The following CCDC18 variants were observed in gnomAD, a reference collection of about 807,000 sequenced individuals.
The protein encoded by CCDC18 is coiled-coil domain-containing protein 18.
Under a neutral mutation model 196.0 loss-of-function variants are expected in CCDC18, and 157 were observed. That is an observed-to-expected ratio of 0.80 (90% CI 0.70 to 0.91). CCDC18 has a LOEUF of 0.91. CCDC18 is among the 40% of genes least tolerant of loss of function. CCDC18 has a pLI of 0.00. For missense variants in CCDC18, 1,465 were observed against 1,611.6 expected (o/e 0.91, Z 1.56); for synonymous variants, 482 against 529.2 (o/e 0.91, Z 1.22).
chr1:93,260,182 G>A (rs1310529623), intron 26 of CCDC18, among the ~76,000 whole-genome samples: 3 of 152,082 alleles, frequency 2.0e-5, no homozygotes, highest in Non-Finnish European at 4.4e-5. Flanking sequence ...TCAGGAGTTC[G>A]AGACCAGCCT....
At chr1:93,235,264 A>G (rs769566203) in intron 18 of CCDC18, among the ~76,000 whole-genome samples, 20 of 152,130 alleles carry the variant, frequency 1.3e-4, no homozygotes, top group Non-Finnish European at 2.5e-4. Context: ...AGTGACTGAA[A>G]TTACCTAGGG....
intron 28 of CCDC18, among the ~76,000 whole-genome samples, chr1:93,274,398 T>A (rs1220623086): frequency 6.6e-6 from 1 of 152,050 alleles, no homozygotes; most frequent in Non-Finnish European, 1.5e-5. Flanking sequence ...CGAGACTCCA[T>A]CTCTAAATAA....
chr1:93,241,612 C>T (rs1049795325), intron 21 of CCDC18, among the ~76,000 whole-genome samples: 4 of 148,772 alleles, frequency 2.7e-5, no homozygotes, highest in Non-Finnish European at 5.9e-5. Flanking sequence ...GTCTTAGCTA[C>T]TCAGGAGGCT....
intron 7 of CCDC18, among the ~76,000 whole-genome samples, chr1:93,204,872 GAAGGGATTTTT>G (rs1217418591): frequency 6.6e-6 from 1 of 152,080 alleles, no homozygotes; most frequent in East Asian, 1.9e-4. Flanking sequence ...AAATATCTTA[GAAGGGATTTTT>G]AATAAGGTGA....
intron 10 of CCDC18, among the ~76,000 whole-genome samples, chr1:93,211,804 C>T (rs978776204): frequency 5.9e-5 from 9 of 152,118 alleles, no homozygotes; most frequent in African/African-American, 2.2e-4. Flanking sequence ...CATCCTTGTA[C>T]ATGTTTTCTT....
intron 23 of CCDC18, among the ~76,000 whole-genome samples, chr1:93,248,009 CTTT>C (rs71586785): frequency 5.3e-4 from 37 of 69,782 alleles, no homozygotes; most frequent in Non-Finnish European, 6.6e-4. Context: ...TATTTTCCTT[CTTT>C]TTTTTTTTTT....
chr1:93,272,710 AG>A (rs1342239185), intron 28 of CCDC18, among the ~76,000 whole-genome samples: 3 of 152,248 alleles, frequency 2.0e-5, no homozygotes, highest in Non-Finnish European at 2.9e-5. Context: ...GAGAGGAAAT[AG>A]AAACATCAAG....
chr1:93,212,912 G>T (rs1049531461), intron 11 of CCDC18, among the ~76,000 whole-genome samples: 1 of 152,108 alleles, frequency 6.6e-6, no homozygotes, highest in African/African-American at 2.4e-5. Flanking sequence ...ATCAGTGGTA[G>T]CCCTGACCTT....
In CCDC18 at chr1:93,254,549, C is replaced by T; in HGVS notation, c.3277C>T (p.Gln1093Ter). The T allele has an allele frequency of 1.2e-6, 2 of 1,607,194 alleles. No individual in the cohort carries two copies. Among genetic ancestry groups the T allele is most frequent in the Non-Finnish European group, 1.7e-6 (2 of 1,175,446 alleles). The change falls in exon 24 of 29, where the codon CAG becomes TAG. Residue 1093 changes from glutamine (Q) to a stop codon, truncating the protein, a stop_gained. Coordinates refer to ENST00000690025, the MANE Select transcript of CCDC18 (RefSeq NM_001378204.1). LOFTEE classifies it high-confidence loss of function. Reference protein sequence around the residue: ...EKEFIMLQNEQEISQLKKEIE... With the variant: ...EKEFIMLQNE The stretch of plus-strand genomic sequence containing the variant: ...AGAGTTTATAATGCTACAAAATGAA[C>T]AGGAGATAAGTCAACTGAAAAAAGA...
chr1:93,180,195 A>T, upstream of CCDC18: 1 of 1,613,378 alleles, frequency 6.2e-7, no homozygotes, highest in Non-Finnish European at 8.5e-7. Flanking sequence ...CCGGAGGCAG[A>T]GCGGCCAGAA....
intron 1 of CCDC18, among the ~76,000 whole-genome samples, chr1:93,181,894 C>T (rs1248732011): frequency 2.6e-5 from 4 of 152,182 alleles, no homozygotes; most frequent in South Asian, 2.1e-4. Flanking sequence ...GGATTACCGG[C>T]GTGAGCCACC....
rs143309570 is a variant in CCDC18, at chr1:93,265,680, A to T, written c.3885+779A>T. On this transcript the variant is annotated intron_variant, in intron 27 of 28. Coordinates refer to ENST00000690025, the MANE Select transcript of CCDC18 (RefSeq NM_001378204.1). ...ACCAACAGGCTTTAAACCAACAAAG[A>T]TCAAAAGAGACCAAGAAGGCCATTA... 1.2e-3 allele frequency among the ~76,000 whole-genome samples: 180 copies of T among 152,304 alleles called. 3 individuals carry two copies. The East Asian group carries it at 0.034, about 29-fold the overall frequency.
intron 27 of CCDC18, among the ~76,000 whole-genome samples, chr1:93,265,399 T>C (rs139803085): frequency 5.2e-4 from 79 of 152,296 alleles, no homozygotes; most frequent in African/African-American, 1.8e-3. Flanking sequence ...AAGAAAAAGT[T>C]GAATTAATTT....
chr1:93,187,439 G>A (rs1470963383), intron 4 of CCDC18, among the ~76,000 whole-genome samples: 1 of 151,670 alleles, frequency 6.6e-6, no homozygotes, highest in East Asian at 1.9e-4. Context: ...GCATGTGTCT[G>A]TGTGTGTGTG....
intron 7 of CCDC18, among the ~76,000 whole-genome samples, chr1:93,204,182 A>G (rs1571408790): frequency 6.6e-6 from 1 of 152,144 alleles, no homozygotes; most frequent in Non-Finnish European, 1.5e-5. Context: ...GGAATAAAAG[A>G]TGGCACAAGG....
chr1:93,195,402 A>G (rs1652559356), intron 6 of CCDC18, among the ~76,000 whole-genome samples: 1 of 152,212 alleles, frequency 6.6e-6, no homozygotes, highest in Admixed American at 6.5e-5. Flanking sequence ...TTAACCTGGA[A>G]AGCATAAATA....
chr1:93,231,404 G>A (rs1247455600), intron 17 of CCDC18, among the ~76,000 whole-genome samples: 3 of 151,984 alleles, frequency 2.0e-5, no homozygotes, highest in Non-Finnish European at 4.4e-5. Context: ...AATGAAATGT[G>A]ATTTTTTAAC....
In CCDC18 at chr1:93,275,560, T is replaced by C. The variant is rs768738053; in HGVS notation, c.4354-2903T>C. On this transcript the variant is annotated intron_variant, in intron 28 of 28. Transcript: ENST00000690025. The stretch of plus-strand genomic sequence containing the variant: ...AACTCTTTTAAACCAAATAAATTAT[T>C]ATTTAAATAAAGAAATCCAGTATGT... Among the ~76,000 whole-genome samples, 68 of 152,218 alleles carry C rather than the reference T, an allele frequency of 4.5e-4. 1 individual carries two copies. The highest frequency in any genetic ancestry group is 2.4e-4 in the Non-Finnish European group (16 of 68,036).
intron 26 of CCDC18, 64 bp from the exon 27 acceptor site, chr1:93,264,636 GT>G: frequency 1.1e-6 from 1 of 935,776 alleles, no homozygotes; most frequent in Non-Finnish European, 1.7e-6. Flanking sequence ...GCATTAGACT[GT>G]TGTCGAATCC....
Sources: gnomAD v4.1 joint callset for allele counts (sites outside exome capture counted in the v4.1 genomes callset) on GRCh38, gnomAD v4.1.1 for gene constraint, MANE v1.5 for transcripts, NCBI Gene and HGNC (gene_info 2026-07-23, HGNC 2026-07-21) for gene names.